Variants in DNAH7 observed in about 807,000 individuals in gnomAD.
The protein encoded by DNAH7 is axonemal beta dynein heavy chain 7.
In DNAH7, 397 loss-of-function variants were observed where a neutral mutation model predicts 444.6. The ratio of observed to expected loss-of-function variants is 0.89; its 90% CI spans 0.82 to 0.97. DNAH7 has a LOEUF of 0.97. Among genes scored for constraint, DNAH7 ranks in the 50% least tolerant of loss-of-function variants. DNAH7 has a pLI of 0.00. For synonymous variants in DNAH7, 1,636 were observed against 1,624.4 expected (o/e 1.01, Z -0.17); for missense variants, 4,902 against 4,800.8 (o/e 1.02, Z -0.62).
At chr2:195,971,608 T>A (rs1379503220) in intron 16 of DNAH7, among the ~76,000 whole-genome samples, 1 of 150,804 alleles carries the variant, frequency 6.6e-6, no homozygotes, top group African/African-American at 2.4e-5. Flanking sequence ...GTGCTCAGAG[T>A]GATGGGGAGA....
intron 49 of DNAH7, among the ~76,000 whole-genome samples, chr2:195,823,084 A>G (rs1697548516): frequency 6.6e-6 from 1 of 152,208 alleles, no homozygotes; most frequent in African/African-American, 2.4e-5. Flanking sequence ...CCTGGCAAGT[A>G]GCACCCCAAT....
In DNAH7 at chr2:195,905,278, C is replaced by A. The variant is rs529026191; in HGVS notation, c.4335+1381G>T. 7.9e-5 allele frequency: 12 copies of A among 152,200 alleles called. No individual in the cohort carries two copies. The East Asian group carries it at 2.3e-3, about 29-fold the overall frequency. The allele number at this position is 152,200 out of a possible 1,614,324, so 9.4% of individuals were successfully genotyped here. A position where few individuals can be genotyped will look rare whatever the true frequency, so the allele number is the denominator to read the frequency against. ...ACATAGCGAACAAATACAAGAACTG[C>A]AACAACAACAAGAAAGGCTTTCCAA... On this transcript the variant is annotated intron_variant, in intron 27 of 64. Transcript: ENST00000312428.
intron 12 of DNAH7, among the ~76,000 whole-genome samples, chr2:195,990,775 T>TTGTGCGTGTGTGTG (rs1693248555): frequency 7.5e-6 from 1 of 132,948 alleles, no homozygotes; most frequent in African/African-American, 2.9e-5. Flanking sequence ...TATAGCTTTG[T>TTGTGCGTGTGTGTG]TGTGTGTGTG....
chr2:195,927,008 T>C (rs533037037), intron 21 of DNAH7, among the ~76,000 whole-genome samples: 4 of 152,248 alleles, frequency 2.6e-5, no homozygotes, highest in African/African-American at 4.8e-5. Flanking sequence ...ACATGCACAC[T>C]TGGGCATCAC....
chr2:195,819,691 C>T (rs553990032), intron 49 of DNAH7, among the ~76,000 whole-genome samples: 38 of 152,152 alleles, frequency 2.5e-4, no homozygotes, highest in Admixed American at 2.0e-3. Context: ...CAGAGGGCAC[C>T]CAACCCAGCT....
intron 28 of DNAH7, among the ~76,000 whole-genome samples, chr2:195,899,303 CTTTGAAAAAGAATGATAGGATTCA>C (rs1686546077): frequency 6.6e-6 from 1 of 152,176 alleles, no homozygotes; most frequent in Non-Finnish European, 1.5e-5. Flanking sequence ...TCTATATTAG[CTTTGAAAAAGAATGATAGGATTCA>C]TTTGCAGGAT....
intron 10 of DNAH7, 51 bp downstream of exon 10, chr2:196,012,736 C>G (rs1694793521): frequency 6.3e-7 from 1 of 1,579,726 alleles, no homozygotes; most frequent in African/African-American, 1.4e-5. Context: ...CAGTAGCCCA[C>G]AATCATATTT....
At chr2:196,009,513 G>C (rs1045918217) in intron 10 of DNAH7, among the ~76,000 whole-genome samples, 2 of 152,172 alleles carry the variant, frequency 1.3e-5, no homozygotes, top group African/African-American at 4.8e-5. Context: ...AGCAGGTTTG[G>C]AACAAAGAGA....
intron 5 of DNAH7, among the ~76,000 whole-genome samples, chr2:196,037,651 A>T (rs957531985): frequency 1.3e-5 from 2 of 152,158 alleles, no homozygotes; most frequent in African/African-American, 4.8e-5. Flanking sequence ...AGAAGGAAGA[A>T]TTTTTTAACT....
intron 29 of DNAH7, among the ~76,000 whole-genome samples, 199 bp downstream of exon 29, chr2:195,897,468 T>C (rs1347696760): frequency 6.6e-6 from 1 of 152,138 alleles, no homozygotes; most frequent in Non-Finnish European, 1.5e-5. Context: ...AACTTAAAAG[T>C]ACTATTTTAA....
intron 42 of DNAH7, among the ~76,000 whole-genome samples, chr2:195,860,492 T>C (rs1325146264): frequency 6.6e-6 from 1 of 152,090 alleles, no homozygotes; most frequent in Non-Finnish European, 1.5e-5. Flanking sequence ...TTTCACTAGG[T>C]AGTTGAAAAA....
rs538845499 is a variant in DNAH7, at chr2:195,788,407, ATAT to A, written c.10717-1239_10717-1237del. ...AATAAAAGTTGAAGTAATGATCAAT[ATAT>A]TACATTATACTTCTTGGTTTCTGAA... On this transcript the variant is annotated intron_variant, in intron 57 of 64. Transcript: ENST00000312428. Among the ~76,000 whole-genome samples, 504 of 152,364 alleles carry A rather than the reference ATAT, an allele frequency of 3.3e-3. 8 individuals are homozygous for A. Among genetic ancestry groups the A allele is most frequent in the Non-Finnish European group, 8.8e-4 (60 of 68,034 alleles).
At chr2:195,850,566 A>G (rs938668157) in intron 46 of DNAH7, among the ~76,000 whole-genome samples, 1 of 152,188 alleles carries the variant, frequency 6.6e-6, no homozygotes, top group African/African-American at 2.4e-5. Flanking sequence ...TTTATTTATG[A>G]AAAGTGCCAG....
intron 46 of DNAH7, among the ~76,000 whole-genome samples, chr2:195,850,797 G>A (rs533886584): frequency 5.4e-4 from 82 of 152,230 alleles, no homozygotes; most frequent in African/African-American, 1.9e-3. Flanking sequence ...GATGCAGGGG[G>A]AAGCAGGACA....
chr2:195,844,621 G>A (rs1398563054), intron 47 of DNAH7, among the ~76,000 whole-genome samples: 1 of 152,122 alleles, frequency 6.6e-6, no homozygotes, highest in African/African-American at 2.4e-5. Flanking sequence ...GACTAAGACG[G>A]AATTTGGAAC....
chr2:195,933,391 A>C (rs537580300), intron 21 of DNAH7, among the ~76,000 whole-genome samples: 5 of 152,298 alleles, frequency 3.3e-5, no homozygotes, highest in South Asian at 2.1e-4. Context: ...CAGCCATCCC[A>C]TTACTGGGTC....
intron 3 of DNAH7, 99 bp from the exon 4 acceptor site, chr2:196,048,503 A>G (rs1697270690): frequency 1.1e-6 from 1 of 896,190 alleles, no homozygotes; most frequent in Non-Finnish European, 1.7e-6. Flanking sequence ...ATTTTCTCAA[A>G]CAGATCAGAA....
At position 195,907,528 on chromosome 2, in the gene DNAH7, T is replaced by C. The variant is rs571727396; in HGVS notation, c.4105-519A>G. ...AAACTGGAAAATCAAGCATGAGTAG[T>C]TTCATCTGAATTCAGATCTACTTTT... is the stretch of plus-strand genomic sequence containing the variant. On this transcript the variant is annotated intron_variant, in intron 25 of 64. Transcript: ENST00000312428. 2.6e-5 allele frequency among the ~76,000 whole-genome samples: 4 copies of C among 152,246 alleles called. No homozygotes were observed. In the South Asian group the frequency reaches 8.3e-4, roughly 32 times the overall value.
At chr2:195,934,876 C>A in intron 20 of DNAH7, 87 bp from the exon 21 acceptor site, 1 of 1,399,576 alleles carries the variant, frequency 7.1e-7, no homozygotes, top group Non-Finnish European at 9.8e-7. Context: ...TTCATAAATG[C>A]TAGGTGCTGC....
Sources: gnomAD v4.1 joint callset for allele counts (sites outside exome capture counted in the v4.1 genomes callset) on GRCh38, gnomAD v4.1.1 for gene constraint, MANE v1.5 for transcripts, NCBI Gene and HGNC (gene_info 2026-07-23, HGNC 2026-07-21) for gene names.